Variants in AZIN2 observed in about 807,000 individuals in gnomAD.
AZIN2 encodes the protein antizyme inhibitor 2.
A neutral mutation model predicts 47.8 loss-of-function variants in AZIN2; 28 were observed. The observed-to-expected ratio is 0.59, with a 90% CI of 0.43 to 0.80. The LOEUF (loss-of-function observed/expected upper bound fraction) is 0.80, where lower values mean the gene tolerates loss of function less well. Among genes scored for constraint, AZIN2 ranks in the 30% least tolerant of loss-of-function variants. The pLI, the probability that AZIN2 is intolerant of heterozygous loss-of-function variation, is 0.00. For synonymous variants in AZIN2, 221 were observed against 239.4 expected (o/e 0.92, Z 0.71); for missense variants, 535 against 582.5 (o/e 0.92, Z 0.84).
At chr1:33,091,650 A>C (rs1642564238) in intron 5 of AZIN2, among the ~76,000 whole-genome samples, 1 of 152,236 alleles carries the variant, frequency 6.6e-6, no homozygotes, top group Non-Finnish European at 1.5e-5. Context: ...GGCTACCATG[A>C]GTCCATATAA....
intron 10 of AZIN2, among the ~76,000 whole-genome samples, chr1:33,117,605 T>G (rs1349877318): frequency 1.3e-5 from 2 of 152,250 alleles, no homozygotes; most frequent in African/African-American, 4.8e-5. Context: ...AGGTAGGTAC[T>G]GTTGTTATCC....
intron 6 of AZIN2, 59 bp from the exon 7 acceptor site, chr1:33,093,223 T>C (rs921089189): frequency 6.2e-7 from 1 of 1,601,542 alleles, no homozygotes; most frequent in Non-Finnish European, 8.5e-7. Context: ...GATTGAGAGA[T>C]GTGGCTGGGG....
the AZIN2 span, among the ~76,000 whole-genome samples, chr1:33,152,573 GA>G: frequency 0.24 from 25,106 of 103,438 alleles, 2,026 homozygotes; most frequent in South Asian, 0.34. Flanking sequence ...GTCTCAAAAA[GA>G]AAAAAAAAAA....
chr1:33,088,118 C>G (rs1184363127), intron 5 of AZIN2, among the ~76,000 whole-genome samples: 4 of 152,114 alleles, frequency 2.6e-5, no homozygotes, highest in Non-Finnish European at 5.9e-5. Flanking sequence ...CCTCCCATGG[C>G]TTTAAATACC....
chr1:33,103,653 C>G (rs78475089), intron 10 of AZIN2, among the ~76,000 whole-genome samples: 3,762 of 152,218 alleles, frequency 0.025, 163 homozygotes, highest in African/African-American at 0.085. Flanking sequence ...CAGGTAGGCT[C>G]TATGAGGGCA....
intron 5 of AZIN2, among the ~76,000 whole-genome samples, chr1:33,091,657 A>G (rs1187685160): frequency 6.6e-6 from 1 of 152,248 alleles, no homozygotes; most frequent in Admixed American, 6.5e-5. Context: ...ATGAGTCCAT[A>G]TAATGCCTTT....
the AZIN2 span, among the ~76,000 whole-genome samples, chr1:33,157,368 C>T: frequency 6.6e-6 from 1 of 152,096 alleles, no homozygotes; most frequent in Non-Finnish European, 1.5e-5. Context: ...CACTCTTCCT[C>T]CAGATACCTA....
At chr1:33,161,140 T>G in the AZIN2 span, among the ~76,000 whole-genome samples, 1 of 152,162 alleles carries the variant, frequency 6.6e-6, no homozygotes, top group Non-Finnish European at 1.5e-5. The surrounding 1 kb of genome is among the most constrained non-coding windows in gnomAD (Gnocchi z 4.3). Context: ...TGAGGGGGTG[T>G]TGTTGTGCGC....
the AZIN2 span, among the ~76,000 whole-genome samples, chr1:33,140,495 A>G: frequency 1.3e-5 from 2 of 152,218 alleles, no homozygotes; most frequent in Non-Finnish European, 2.9e-5. The surrounding 1 kb of genome is among the most constrained non-coding windows in gnomAD (Gnocchi z 4.0). Flanking sequence ...AAGCAGGCAC[A>G]GGGGCTCAGC....
chr1:33,102,589 G>T (rs1035556456), intron 10 of AZIN2, among the ~76,000 whole-genome samples: 5 of 152,142 alleles, frequency 3.3e-5, no homozygotes, highest in Non-Finnish European at 1.5e-5. Context: ...CTCTTCTGCT[G>T]TTCTCACCTT....
At position 33,120,274 on chromosome 1, in the gene AZIN2, C is replaced by T; in HGVS notation, c.*92C>T. On this transcript the variant is annotated 3_prime_UTR_variant, in exon 12 of 12. Transcript: ENST00000294517. The stretch of plus-strand genomic sequence containing the variant: ...GATGGCAGGCAAGGGTACCCTTGGC[C>T]AGGACTCTGGTGCCCACCCTGCCAC... The T allele has an allele frequency of 6.6e-7, 1 of 1,515,830 alleles. No individual in the cohort carries two copies. Among genetic ancestry groups the T allele is most frequent in the African/African-American group, 1.4e-5 (1 of 72,952 alleles). The allele number at this position is 1,515,830 out of a possible 1,614,324, so 93.9% of individuals were successfully genotyped here.
chr1:33,131,957 C>T, the AZIN2 span, among the ~76,000 whole-genome samples: 3 of 152,192 alleles, frequency 2.0e-5, 1 homozygote, highest in Admixed American at 2.0e-4. Context: ...TTGCAAGGGC[C>T]TTCTGAATCA....
the AZIN2 span, among the ~76,000 whole-genome samples, chr1:33,132,459 C>T: frequency 6.6e-6 from 1 of 152,174 alleles, no homozygotes; most frequent in African/African-American, 2.4e-5. Flanking sequence ...GTTTGTCAAC[C>T]CCTAAACTGT....
chr1:33,141,001 T>C, the AZIN2 span, among the ~76,000 whole-genome samples: 1 of 152,196 alleles, frequency 6.6e-6, no homozygotes, highest in Non-Finnish European at 1.5e-5. Flanking sequence ...GATCTGGCCC[T>C]GACTGTGCCC....
At chr1:33,094,799 C>A in intron 8 of AZIN2, 86 bp downstream of exon 8, 2 of 1,455,290 alleles carry the variant, frequency 1.4e-6, no homozygotes, top group East Asian at 2.3e-5. Flanking sequence ...GACCACCGTG[C>A]GTGGGTCCTA....
chr1:33,136,343 CTTCTTTCTCTCTCTCTCTGTCT>C, the AZIN2 span, among the ~76,000 whole-genome samples: 1 of 126,380 alleles, frequency 7.9e-6, no homozygotes, highest in Non-Finnish European at 1.7e-5. Context: ...TCCTTCCTTC[CTTCTTTCTCTCTCTCTCTGTCT>C]TTCTTTCTTT....
chr1:33,150,711 A>G, the AZIN2 span, among the ~76,000 whole-genome samples: 1 of 152,162 alleles, frequency 6.6e-6, no homozygotes, highest in Non-Finnish European at 1.5e-5. Context: ...AATGTGGGCA[A>G]TTCCCACAGT....
the AZIN2 span, among the ~76,000 whole-genome samples, chr1:33,159,501 C>G: frequency 1.3e-5 from 2 of 152,320 alleles, no homozygotes; most frequent in South Asian, 4.1e-4. The surrounding 1 kb of genome is among the most constrained non-coding windows in gnomAD (Gnocchi z 4.2). Context: ...TCCTCTAGTT[C>G]AAGCCTCACT....
chr1:33,123,971 G>A (rs1644838762), downstream of AZIN2, among the ~76,000 whole-genome samples: 1 of 151,832 alleles, frequency 6.6e-6, no homozygotes, highest in South Asian at 2.1e-4. Context: ...ACTCCAGCCC[G>A]GATGACAGTG....
Sources: allele counts gnomAD v4.1 joint callset (sites outside exome capture counted in the v4.1 genomes callset), GRCh38; gene constraint gnomAD v4.1.1; non-coding constraint Gnocchi (gnomAD v3.1); transcripts MANE v1.5; gene names NCBI Gene and HGNC (gene_info 2026-07-23, HGNC 2026-07-21).